CWH43: variants seen among roughly 807,000 people sequenced by gnomAD.
CWH43 encodes the protein cell wall biogenesis 43 C-terminal homolog.
A neutral mutation model predicts 85.7 loss-of-function variants in CWH43; 91 were observed. The ratio of observed to expected loss-of-function variants is 1.06; its 90% CI spans 0.90 to 1.26. The LOEUF is 1.26. Ranked by LOEUF, CWH43 falls within the 50% of genes most tolerant of loss-of-function variation. The probability of loss-of-function intolerance (pLI) is 0.00; values close to 1 mark genes in which losing one functional copy is unlikely to be tolerated. For missense variants in CWH43, 869 were observed against 839.2 expected (o/e 1.04, Z -0.44); for synonymous variants, 323 against 293.6 (o/e 1.10, Z -1.02).
chr4:49,028,474 T>C (rs569372107), intron 9 of CWH43, among the ~76,000 whole-genome samples, 155 bp from the exon 10 acceptor site: 2 of 152,328 alleles, frequency 1.3e-5, no homozygotes, highest in African/African-American at 4.8e-5. Flanking sequence ...ATATAGCAAA[T>C]ATCTCCTTAT....
At chr4:49,030,746 G>A in intron 10 of CWH43, 79 bp from the exon 11 acceptor site, 1 of 1,365,046 alleles carries the variant, frequency 7.3e-7, no homozygotes, top group Non-Finnish European at 9.7e-7. Context: ...AAGGTTAAGG[G>A]TCAAGAGTAA....
At chr4:49,006,652 G>A (rs1783166018) in intron 7 of CWH43, among the ~76,000 whole-genome samples, 1 of 152,150 alleles carries the variant, frequency 6.6e-6, no homozygotes, top group African/African-American at 2.4e-5. Flanking sequence ...GTGTAAGCTA[G>A]TTTGTTGCAT....
intron 1 of CWH43, among the ~76,000 whole-genome samples, chr4:48,987,748 A>G (rs146571061): frequency 5.4e-4 from 82 of 152,282 alleles, no homozygotes; most frequent in African/African-American, 1.9e-3. Context: ...GCAGAGGTAC[A>G]ACTTACTTCA....
Position 49,007,327 on chromosome 4 carries a change from G to T in CWH43, c.1186+1G>T. 2 of 1,585,922 alleles carry T rather than the reference G, an allele frequency of 1.3e-6. No individual in the cohort carries two copies. Among genetic ancestry groups the T allele is most frequent in the Non-Finnish European group, 8.5e-7 (1 of 1,169,592 alleles). ...AAGAGTGAAAAATACATGAAACTTT[G>T]TAAGTATAGTTTTACATTCTTAAAA... On this transcript the variant is annotated splice_donor_variant, in intron 8 of 15. Coordinates refer to ENST00000226432, the MANE Select transcript of CWH43 (RefSeq NM_025087.3). LOFTEE classifies it high-confidence loss of function.
At chr4:49,001,733 A>G (rs1782999609) in intron 6 of CWH43, among the ~76,000 whole-genome samples, 1 of 152,182 alleles carries the variant, frequency 6.6e-6, no homozygotes, top group African/African-American at 2.4e-5. Context: ...AAAAATGATA[A>G]CAGTCAAGAT....
At chr4:49,023,244 T>G (rs999614667) in intron 9 of CWH43, among the ~76,000 whole-genome samples, 5 of 152,216 alleles carry the variant, frequency 3.3e-5, no homozygotes, top group Non-Finnish European at 7.3e-5. Flanking sequence ...GTCACTATTA[T>G]CATTCAGTTC....
intron 7 of CWH43, 93 bp from the exon 8 acceptor site, chr4:49,007,108 T>C (rs1171567935): frequency 1.0e-5 from 14 of 1,386,756 alleles, no homozygotes; most frequent in Non-Finnish European, 1.4e-5. Context: ...TTCCAGGGTA[T>C]GTTCCTTTCA....
Position 48,991,987 on chromosome 4 carries a change from A to G in CWH43, c.408A>G (p.Leu136=), listed in dbSNP as rs756804689. The G allele has an allele frequency of 4.3e-5, 69 of 1,613,832 alleles. No homozygotes were observed. Among genetic ancestry groups the G allele is most frequent in the Non-Finnish European group, 5.8e-5 (69 of 1,179,860 alleles). ...FILGQIVLVV[L]RIWYTSLNPI... is the part of the protein sequence containing the mutation. ...TAGGACAGATTGTTCTTGTTGTTCT[A>G]CGCATATGGTATACTTCACTAAACC... Residue 136 remains leucine, a synonymous_variant, in exon 4 of 16, where the codon CTA becomes CTG. Coordinates refer to ENST00000226432, the MANE Select transcript of CWH43 (RefSeq NM_025087.3).
chr4:49,020,384 TACACACACACACACACACAC>T (rs35489918), intron 9 of CWH43, among the ~76,000 whole-genome samples: 2 of 120,116 alleles, frequency 1.7e-5, no homozygotes, highest in South Asian at 5.7e-4. Flanking sequence ...AGTATTCCAT[TACACACACACACACACACAC>T]ACACACACAC....
rs760474907 is a variant in CWH43 at position 49,061,825 on chromosome 4, A to T, written c.2035A>T (p.Lys679Ter). Residue 679 changes from lysine to a stop codon, truncating the protein, a stop_gained, in exon 16 of 16, where the codon AAA becomes TAA. Transcript: ENST00000226432. LOFTEE classifies it high-confidence loss of function. ...IHFNPRFGSY[K>*]EGHNYENNHH... ...TTATTTTTTTAGATTTGGATCCTAC[A>T]AAGAAGGACACAATTATGAAAACAA... 34 of 1,392,938 alleles carry T rather than the reference A, an allele frequency of 2.4e-5. 1 individual carries two copies. The highest frequency in any genetic ancestry group is 3.2e-5 in the Non-Finnish European group (34 of 1,047,448). The allele number at this position is 1,392,938 out of a possible 1,614,324, so 86.3% of individuals were successfully genotyped here. A position where few individuals can be genotyped will look rare whatever the true frequency, so the allele number is the denominator to read the frequency against.
intron 1 of CWH43, 165 bp downstream of exon 1, chr4:48,986,637 G>A: frequency 2.1e-6 from 3 of 1,418,370 alleles, no homozygotes; most frequent in Non-Finnish European, 2.8e-6. Context: ...CCTACTGAAG[G>A]GAATAAAGGA....
chr4:49,019,489 A>T (rs1354250751), intron 9 of CWH43, among the ~76,000 whole-genome samples: 1 of 152,122 alleles, frequency 6.6e-6, no homozygotes, highest in Non-Finnish European at 1.5e-5. Flanking sequence ...GGAGGGCCAT[A>T]CCAGGGCCTT....
chr4:49,002,715 T>C (rs928176050), intron 6 of CWH43, among the ~76,000 whole-genome samples: 3 of 152,180 alleles, frequency 2.0e-5, no homozygotes, highest in African/African-American at 7.2e-5. Context: ...TGGAATCTAG[T>C]TCTCATGCTC....
intron 10 of CWH43, among the ~76,000 whole-genome samples, chr4:49,030,599 G>T (rs2109805248): frequency 6.6e-6 from 1 of 152,252 alleles, no homozygotes; most frequent in South Asian, 2.1e-4. Flanking sequence ...TATCCTTCTT[G>T]GTAGTTCCTG....
chr4:48,990,696 T>C (rs1048342509), intron 2 of CWH43, among the ~76,000 whole-genome samples: 10 of 152,276 alleles, frequency 6.6e-5, no homozygotes, highest in Non-Finnish European at 8.8e-5. Context: ...GGTAGAAATA[T>C]AAGAAATATA....
intron 2 of CWH43, among the ~76,000 whole-genome samples, chr4:48,991,045 T>A (rs1056124109): frequency 6.6e-6 from 1 of 152,204 alleles, no homozygotes; most frequent in African/African-American, 2.4e-5. Context: ...CCACATATTG[T>A]ACAATTTAAT....
Position 49,003,762 on chromosome 4 carries a change from A to G in CWH43, c.830A>G (p.Tyr277Cys), listed in dbSNP as rs1315742721. The change falls in exon 7 of 16, where the codon TAC (tyrosine) becomes TGC (cysteine). Residue 277 changes from tyrosine (Y) to cysteine (C), a missense_variant. By Grantham distance (194) the Tyr-to-Cys change is radical. Around this residue, in one of 3 missense-constraint regions of CWH43, gnomAD observed 577 missense variants for 513.1 expected, o/e 1.12. Coordinates refer to ENST00000226432, the MANE Select transcript of CWH43 (RefSeq NM_025087.3). ...ACAGCTTCAGCTGCGGGGCTCCTTT[A>G]CCTGCACACATGGGCAGCTGCTGTG... ...TGTASAAGLL[Y>C]LHTWAAAVSG... is the part of the protein sequence containing the mutation. 1 of 1,613,968 alleles carries G rather than the reference A, an allele frequency of 6.2e-7. No homozygotes were observed. The highest frequency in any genetic ancestry group is 8.5e-7 in the Non-Finnish European group (1 of 1,179,906).
At chr4:48,997,589 C>A (rs1782853457) in intron 5 of CWH43, among the ~76,000 whole-genome samples, 3 of 152,144 alleles carry the variant, frequency 2.0e-5, no homozygotes, top group Admixed American at 6.5e-5. Context: ...CAGGGTCATT[C>A]TTACACAGGT....
chr4:49,015,045 C>T (rs1344266182), intron 8 of CWH43, among the ~76,000 whole-genome samples: 5 of 152,164 alleles, frequency 3.3e-5, no homozygotes, highest in Non-Finnish European at 5.9e-5. Context: ...ATCGATTCCT[C>T]CTCCAAACCC....
Sources: gnomAD v4.1 joint callset for allele counts (sites outside exome capture counted in the v4.1 genomes callset) on GRCh38, gnomAD v4.1.1 for gene constraint, gnomAD v4.1.1 regional missense constraint, MANE v1.5 for transcripts, NCBI Gene and HGNC (gene_info 2026-07-23, HGNC 2026-07-21) for gene names.